KDM8: variants seen among roughly 807,000 people sequenced by gnomAD.
KDM8 encodes the protein bifunctional peptidase and arginyl-hydroxylase JMJD5.
KDM8 carries 35 observed loss-of-function variants against 46.9 expected under a neutral mutation model. The observed-to-expected ratio is 0.75, with a 90% CI of 0.57 to 0.99. The LOEUF (loss-of-function observed/expected upper bound fraction) is 0.99, where lower values mean the gene tolerates loss of function less well. Ranked by LOEUF, KDM8 falls within the 50% of genes least tolerant of loss-of-function variation. The probability of loss-of-function intolerance (pLI) is 0.00; values close to 1 mark genes in which losing one functional copy is unlikely to be tolerated. For synonymous variants in KDM8, 232 were observed against 227.7 expected (o/e 1.02, Z -0.17); for missense variants, 475 against 537.0 (o/e 0.88, Z 1.14).
intron 1 of KDM8, among the ~76,000 whole-genome samples, chr16:27,208,826 A>G (rs2083451890): frequency 6.6e-6 from 1 of 152,212 alleles, no homozygotes; most frequent in South Asian, 2.1e-4. Context: ...CAAGCCTTCT[A>G]GGAGGCTAGA....
chr16:27,206,266 C>G, intron 1 of KDM8: 1 of 947,474 alleles, frequency 1.1e-6, no homozygotes, highest in Non-Finnish European at 1.3e-6. Flanking sequence ...CTTTTGTGTG[C>G]GTGTGCTTTT....
intron 1 of KDM8, among the ~76,000 whole-genome samples, chr16:27,206,492 G>C (rs1052691979): frequency 6.6e-6 from 1 of 152,068 alleles, no homozygotes; most frequent in Non-Finnish European, 1.5e-5. Flanking sequence ...GGCTGGTCTC[G>C]AGCTCCTGAC....
At chr16:27,211,297 C>T (rs62028352) in intron 2 of KDM8, 74,875 of 422,456 alleles carry the variant, frequency 0.18, 8,189 homozygotes, top group East Asian at 0.38. Context: ...CCAGGCGAGG[C>T]GATACCTCCA....
At chr16:27,203,692 G>A (rs1381406778) in intron 1 of KDM8, 56 bp downstream of exon 1, 10 of 178,916 alleles carry the variant, frequency 5.6e-5, no homozygotes, top group South Asian at 1.3e-4. Flanking sequence ...AAGTGGAGAG[G>A]CCGGGTTCAG....
intron 5 of KDM8, 31 bp downstream of exon 5, chr16:27,216,020 C>T: frequency 6.2e-7 from 1 of 1,611,898 alleles, no homozygotes; most frequent in Non-Finnish European, 8.5e-7. Context: ...CTCTGCCCCT[C>T]ACCGTCTCAC....
rs2083533100 is a variant in KDM8 at position 27,214,993 on chromosome 16, A to G, written c.783A>G (p.Lys261=). Residue 261 remains lysine (K), a synonymous_variant, in exon 4 of 8, where the codon AAA becomes AAG. Coordinates refer to ENST00000286096, the MANE Select transcript of KDM8 (RefSeq NM_024773.3). ...TLMTVNEFIS[K]YIVNEPRDVG... ...TGACGGTCAACGAGTTCATCAGCAA[A>G]TACATCGTGAATGAGGTACATCATG... The G allele has an allele frequency of 1.9e-6, 3 of 1,614,148 alleles. No individual in the cohort carries two copies. Among genetic ancestry groups the G allele is most frequent in the Non-Finnish European group, 2.5e-6 (3 of 1,180,018 alleles).
chr16:27,209,502 C>T (rs2083459916), intron 1 of KDM8, among the ~76,000 whole-genome samples: 1 of 152,268 alleles, frequency 6.6e-6, no homozygotes, highest in East Asian at 1.9e-4. Context: ...GCTGGGATTA[C>T]AGGCGTGAGC....
At chr16:27,217,579 G>A (rs1386875096) in intron 5 of KDM8, among the ~76,000 whole-genome samples, 4 of 152,328 alleles carry the variant, frequency 2.6e-5, no homozygotes, top group African/African-American at 7.2e-5. Flanking sequence ...GCGCGGCTGC[G>A]TTTCTGCACA....
At chr16:27,215,567 C>T (rs1434800137) in intron 4 of KDM8, among the ~76,000 whole-genome samples, 3 of 152,126 alleles carry the variant, frequency 2.0e-5, no homozygotes, top group Admixed American at 6.6e-5. Context: ...GACAATAGAA[C>T]CAGGCCCTGT....
intron 5 of KDM8, among the ~76,000 whole-genome samples, chr16:27,217,062 G>A (rs1419384751): frequency 6.6e-6 from 1 of 152,212 alleles, no homozygotes; most frequent in African/African-American, 2.4e-5. Context: ...AGGGCCGCCT[G>A]GGTGTTTACC....
chr16:27,213,461 A>G (rs533008804), intron 2 of KDM8, 124 bp from the exon 3 acceptor site: 70 of 901,658 alleles, frequency 7.8e-5, no homozygotes, highest in Admixed American at 2.8e-4. Flanking sequence ...AACGTTGTCT[A>G]TTGTTGTTAC....
intron 1 of KDM8, among the ~76,000 whole-genome samples, chr16:27,207,884 T>A (rs956342524): frequency 2.0e-5 from 3 of 152,166 alleles, no homozygotes; most frequent in Admixed American, 6.5e-5. Context: ...GGGGATAGTG[T>A]ATAATAATCT....
chr16:27,212,845 C>G (rs2083500339), intron 2 of KDM8, among the ~76,000 whole-genome samples: 1 of 152,228 alleles, frequency 6.6e-6, no homozygotes, highest in Admixed American at 6.5e-5. Context: ...GCATGTACCA[C>G]CACGCCGAGC....
At chr16:27,209,495 G>A (rs1257469537) in intron 1 of KDM8, among the ~76,000 whole-genome samples, 1 of 152,232 alleles carries the variant, frequency 6.6e-6, no homozygotes, top group East Asian at 1.9e-4. Flanking sequence ...CCAAAGTGCT[G>A]GGATTACAGG....
At position 27,210,565 on chromosome 16, in the gene KDM8, C is replaced by T; in HGVS notation, c.442C>T (p.His148Tyr). ...TAAAGTCGCTGCCATCCTCCAGACACACCTCCCTGGAAAGAGGCCTGCCCG... is the reference window on the plus strand; with the variant it reads ...TAAAGTCGCTGCCATCCTCCAGACATACCTCCCTGGAAAGAGGCCTGCCCG... ...LLKVAAILQT[H>Y]LPGKRPARGS... Residue 148 changes from histidine (H) to tyrosine (Y), a missense_variant, in exon 2 of 8, where the codon CAC becomes TAC. His to Tyr is a moderately conservative substitution (Grantham distance 83). Transcript: ENST00000286096. 2 of 1,524,328 alleles carry T rather than the reference C, an allele frequency of 1.3e-6. No homozygotes were observed. The highest frequency in any genetic ancestry group is 1.3e-5 in the South Asian group (1 of 76,320). 94.4% of individuals were successfully genotyped at this position (1,524,328 alleles called of 1,614,324 possible).
Position 27,210,102 on chromosome 16 carries a change from T to C in KDM8, c.-22T>C. The C allele has an allele frequency of 6.2e-7, 1 of 1,606,016 alleles. No individual in the cohort carries two copies. The highest frequency in any genetic ancestry group is 1.3e-5 in the African/African-American group (1 of 74,920). On this transcript the variant is annotated 5_prime_UTR_variant, in exon 2 of 8. Coordinates refer to ENST00000286096, the MANE Select transcript of KDM8 (RefSeq NM_024773.3). Reference sequence around the variant, plus strand: ...CTCTCCACCTCCCCAGGCACGGGACTGAACCAGCTGGTGGTGGCCCGATGG... The same window carrying C: ...CTCTCCACCTCCCCAGGCACGGGACCGAACCAGCTGGTGGTGGCCCGATGG...
At chr16:27,208,001 A>T (rs1412226493) in intron 1 of KDM8, among the ~76,000 whole-genome samples, 2 of 152,216 alleles carry the variant, frequency 1.3e-5, no homozygotes, top group East Asian at 3.8e-4. Flanking sequence ...TCTCTGGAAA[A>T]CCATCATATA....
intron 1 of KDM8, 66 bp downstream of exon 1, chr16:27,203,702 G>A (rs2083396739): frequency 5.3e-6 from 1 of 190,432 alleles, no homozygotes; most frequent in East Asian, 1.4e-4. Flanking sequence ...GCCGGGTTCA[G>A]AGGCATAGAC....
chr16:27,206,430 G>A (rs777675329), intron 1 of KDM8, among the ~76,000 whole-genome samples: 11 of 152,052 alleles, frequency 7.2e-5, no homozygotes, highest in Non-Finnish European at 1.2e-4. Flanking sequence ...GGACCACCAC[G>A]CTGGCTAATT....
Sources: allele counts gnomAD v4.1 joint callset (sites outside exome capture counted in the v4.1 genomes callset), GRCh38; gene constraint gnomAD v4.1.1; transcripts MANE v1.5; gene names NCBI Gene and HGNC (gene_info 2026-07-23, HGNC 2026-07-21).